Variants in ABHD16A observed in about 807,000 individuals in gnomAD.
ABHD16A encodes the protein phosphatidylserine lipase ABHD16A.
A neutral mutation model predicts 89.8 loss-of-function variants in ABHD16A; 47 were observed. That is an observed-to-expected ratio of 0.52 (90% CI 0.41 to 0.67). ABHD16A has a LOEUF of 0.67. Among genes scored for constraint, ABHD16A ranks in the 30% least tolerant of loss-of-function variants. ABHD16A has a pLI of 0.00. For missense variants in ABHD16A, 580 were observed against 734.6 expected (o/e 0.79, Z 2.43); for synonymous variants, 251 against 280.4 (o/e 0.90, Z 1.05).
intron 7 of ABHD16A, 178 bp from the exon 8 acceptor site, chr6:31,692,096 T>C: frequency 1.8e-6 from 1 of 554,874 alleles, no homozygotes; most frequent in African/African-American, 1.9e-5. Flanking sequence ...TTTTGCAAAC[T>C]TTTCTTACTG....
chr6:31,689,699 C>A lies in ABHD16A; in HGVS notation c.963G>T (p.Val321=). 6.2e-7 allele frequency: 1 copy of A among 1,609,464 alleles called. No homozygotes were observed. Among genetic ancestry groups the A allele is most frequent in the Non-Finnish European group, 8.5e-7 (1 of 1,178,266 alleles). Residue 321 remains valine (V), a synonymous_variant, in exon 12 of 20, where the codon GTG becomes GTT. Coordinates refer to ENST00000395952, the MANE Select transcript of ABHD16A (RefSeq NM_021160.3). ...CATTAGCCTCATTCTGCGGGAATGG[C>A]ACCCCCTGCAGGAGAAAGGGCAAAG... is the stretch of plus-strand genomic sequence containing the variant. ...NHPGFAGSTG[V]PFPQNEANAM...
Position 31,691,628 on chromosome 6 carries a change from G to T in ABHD16A, c.794C>A (p.Thr265Asn). 1.2e-6 allele frequency: 2 copies of T among 1,612,646 alleles called. No homozygotes were observed. The highest frequency in any genetic ancestry group is 1.7e-6 in the Non-Finnish European group (2 of 1,179,966). ...TGTCCCCCGCCGGTCCACAAACATG[G>T]TGTCAATCTCATTGCCATCACAGGC... ...LLACDGNEID[T>N]MFVDRRGTAE... is the part of the protein sequence containing the mutation. Residue 265 changes from threonine (T) to asparagine (N), a missense_variant, in exon 9 of 20, where the codon ACC becomes AAC. Thr to Asn is a moderately conservative substitution (Grantham distance 65). This residue lies in a region of ABHD16A where 415 missense variants were observed against 568.8 expected (regional missense o/e 0.73). Transcript: ENST00000395952.
chr6:31,691,779 G>A, intron 8 of ABHD16A, 25 bp downstream of exon 8: 2 of 1,597,126 alleles, frequency 1.3e-6, no homozygotes, highest in Non-Finnish European at 1.7e-6. Flanking sequence ...GGGCTTTAGG[G>A]GATGTGCGGG....
At position 31,688,077 on chromosome 6, in the gene ABHD16A, C is replaced by A; in HGVS notation, c.1334G>T (p.Arg445Leu). The A allele has an allele frequency of 6.2e-7, 1 of 1,613,134 alleles. No individual in the cohort carries two copies. Among genetic ancestry groups the A allele is most frequent in the South Asian group, 1.1e-5 (1 of 90,948 alleles). ...GAGCTTCAGCAGGAGGTCATTGCCT[C>A]GGTTGGACATGATGTCCTCAGGAAC... The part of the protein sequence containing the change: ...TTVPEDIMSN[R>L]GNDLLLKLLQ... Residue 445 changes from arginine to leucine, a missense_variant, in exon 16 of 20, where the codon CGA becomes CTA. Physicochemically the swap from Arg to Leu is moderately radical, Grantham distance 102. Around this residue, in one of 2 missense-constraint regions of ABHD16A, gnomAD observed 415 missense variants for 568.8 expected, o/e 0.73. Coordinates refer to ENST00000395952, the MANE Select transcript of ABHD16A (RefSeq NM_021160.3). The surrounding 1 kb of genome is among the most constrained non-coding windows in gnomAD (Gnocchi z 4.9).
At chr6:31,696,368 C>T (rs1202775040) in intron 5 of ABHD16A, among the ~76,000 whole-genome samples, 1 of 150,838 alleles carries the variant, frequency 6.6e-6, no homozygotes, top group East Asian at 1.9e-4. Context: ...AGTGGTGGCT[C>T]ACGCCTGTAA....
Position 31,688,459 on chromosome 6 carries a change from T to C in ABHD16A, c.1251-154A>G. The C allele has an allele frequency of 1.2e-6, 1 of 857,982 alleles. No individual in the cohort carries two copies. The highest frequency in any genetic ancestry group is 1.8e-6 in the Non-Finnish European group (1 of 543,630). The allele number at this position is 857,982 out of a possible 1,614,324, so 53.1% of individuals were successfully genotyped here. ...TCACTCAGGGGTGAGAGGGGATTAT[T>C]TAAGGGGCATGGTTCAGTCTGGCCC... On this transcript the variant is annotated intron_variant, in intron 14 of 19. Coordinates refer to ENST00000395952, the MANE Select transcript of ABHD16A (RefSeq NM_021160.3). The surrounding 1 kb of genome is among the most constrained non-coding windows in gnomAD (Gnocchi z 4.9).
In ABHD16A at chr6:31,688,272, G is replaced by C. The variant is rs200231878; in HGVS notation, c.1284C>G (p.Thr428=). 4 of 1,613,926 alleles carry C rather than the reference G, an allele frequency of 2.5e-6. No individual in the cohort carries two copies. In the African/African-American group the frequency reaches 5.3e-5, roughly 22 times the overall value. Residue 428 remains threonine, a synonymous_variant, in exon 15 of 20, where the codon ACC becomes ACG. Coordinates refer to ENST00000395952, the MANE Select transcript of ABHD16A (RefSeq NM_021160.3). This position sits in a 1 kb window ranked among gnomAD's most constrained non-coding sequence, Gnocchi z 4.9. ...YQGPVLLIRR[T]KDEIITTTVP... is the part of the protein sequence containing the mutation. ...ACGTGGTGGTGATGATCTCATCCTT[G>C]GTTCTCCGGATCAGCAGTACAGGAC...
At chr6:31,696,833 G>A (rs879351011) in intron 5 of ABHD16A, 115 bp downstream of exon 5, 10 of 974,444 alleles carry the variant, frequency 1.0e-5, no homozygotes, top group Non-Finnish European at 1.6e-5. Flanking sequence ...ACCCAGTGTG[G>A]TGGGTGGTAA....
chr6:31,691,629 T>C lies in ABHD16A; in HGVS notation c.793A>G (p.Thr265Ala). ...LLACDGNEID[T>A]MFVDRRGTAE... The stretch of plus-strand genomic sequence containing the variant: ...GTCCCCCGCCGGTCCACAAACATGG[T>C]GTCAATCTCATTGCCATCACAGGCC... The change falls in exon 9 of 20, where the codon ACC becomes GCC. Residue 265 changes from threonine (T) to alanine (A), a missense_variant. Transcript: ENST00000395952. The C allele has an allele frequency of 6.2e-7, 1 of 1,612,804 alleles. No individual in the cohort carries two copies. The highest frequency in any genetic ancestry group is 8.5e-7 in the Non-Finnish European group (1 of 1,179,984).
rs939539564 is a variant in ABHD16A at position 31,698,701 on chromosome 6, A to C, written c.344-1668T>G. 6.6e-6 allele frequency among the ~76,000 whole-genome samples: 1 copy of C among 152,110 alleles called. No homozygotes were observed. The highest frequency in any genetic ancestry group is 2.4e-5 in the African/African-American group (1 of 41,398). ...TAAAAATAAATAAAATAAAAAACTAAGACAAAACTGAGCAGTGGGAGCTAC... is the reference window on the plus strand; with the variant it reads ...TAAAAATAAATAAAATAAAAAACTACGACAAAACTGAGCAGTGGGAGCTAC... On this transcript the variant is annotated intron_variant, in intron 4 of 19. Transcript: ENST00000395952. The surrounding 1 kb of genome is among the most constrained non-coding windows in gnomAD (Gnocchi z 4.1).
At position 31,693,388 on chromosome 6, in the gene ABHD16A, G is replaced by A. The variant is rs1394839436; in HGVS notation, c.474C>T (p.Val158=). ...TGCTGGGTTCTTCCCAGTGGAAGTC[G>A]ACTGGCCAGCTCCGGAAGTCAAAGT... The part of the protein sequence containing the change: ...NYNFDFRSWP[V]DFHWEEPSSR... Residue 158 remains valine, a synonymous_variant, in exon 6 of 20, where the codon GTC becomes GTT. Coordinates refer to ENST00000395952, the MANE Select transcript of ABHD16A (RefSeq NM_021160.3). This position sits in a 1 kb window ranked among gnomAD's most constrained non-coding sequence, Gnocchi z 5.0. 5.0e-6 allele frequency: 8 copies of A among 1,612,924 alleles called. No homozygotes were observed. Among genetic ancestry groups the A allele is most frequent in the South Asian group, 1.1e-5 (1 of 91,084 alleles).
rs1207227669 is a variant in ABHD16A, at chr6:31,691,624, C to T, written c.798G>A (p.Met266Ile). 1.9e-6 allele frequency: 3 copies of T among 1,612,832 alleles called. No homozygotes were observed. The African/African-American group carries it at 4.0e-5, about 22-fold the overall frequency. Residue 266 changes from methionine to isoleucine, a missense_variant, in exon 9 of 20, where the codon ATG becomes ATA. Physicochemically the swap from Met to Ile is conservative, Grantham distance 10 (BLOSUM62 1). Around this residue, in one of 2 missense-constraint regions of ABHD16A, gnomAD observed 415 missense variants for 568.8 expected, o/e 0.73. Transcript: ENST00000395952. ...LACDGNEIDT[M>I]FVDRRGTAEP... Reference sequence around the variant, plus strand: ...CAGCTGTCCCCCGCCGGTCCACAAACATGGTGTCAATCTCATTGCCATCAC... The same window carrying T: ...CAGCTGTCCCCCGCCGGTCCACAAATATGGTGTCAATCTCATTGCCATCAC...
intron 9 of ABHD16A, 182 bp downstream of exon 9, chr6:31,691,397 C>G: frequency 1.7e-6 from 1 of 590,920 alleles, no homozygotes; most frequent in Non-Finnish European, 3.0e-6. Flanking sequence ...AACGTCTCTC[C>G]TACTTCATCT....
At chr6:31,702,856 A>C in intron 1 of ABHD16A, 1 of 1,368,834 alleles carries the variant, frequency 7.3e-7, no homozygotes, top group Non-Finnish European at 9.5e-7. Flanking sequence ...CCCGGGACTC[A>C]AGACTCAACT....
At chr6:31,701,142 A>G in intron 3 of ABHD16A, 114 bp from the exon 4 acceptor site, 1 of 1,318,890 alleles carries the variant, frequency 7.6e-7, no homozygotes, top group Non-Finnish European at 1.1e-6. Context: ...CCATACCCTA[A>G]GAGGAAGAAG....
chr6:31,687,205 T>A lies in ABHD16A; in HGVS notation c.*7A>T, dbSNP rs762291582. ...CCCATTCTTCCATAATGAGTCCCAG[T>A]TGGTCCCTAGAGGTGCCAGGGCATC... is the stretch of plus-strand genomic sequence containing the variant. On this transcript the variant is annotated 3_prime_UTR_variant, in exon 20 of 20. Coordinates refer to ENST00000395952, the MANE Select transcript of ABHD16A (RefSeq NM_021160.3). This position sits in a 1 kb window ranked among gnomAD's most constrained non-coding sequence, Gnocchi z 6.3. 1 of 1,610,620 alleles carries A rather than the reference T, an allele frequency of 6.2e-7. No individual in the cohort carries two copies. Among genetic ancestry groups the A allele is most frequent in the East Asian group, 2.2e-5 (1 of 44,876 alleles).
At chr6:31,694,317 A>G (rs915581536) in intron 5 of ABHD16A, among the ~76,000 whole-genome samples, 8 of 150,854 alleles carry the variant, frequency 5.3e-5, no homozygotes, top group Admixed American at 6.6e-5. Context: ...TTGGCTTCCG[A>G]AAGTGCTGGG....
At chr6:31,692,207 T>G (rs1803956338) in intron 7 of ABHD16A, 3 of 352,804 alleles carry the variant, frequency 8.5e-6, no homozygotes, top group South Asian at 2.1e-4. Context: ...CTATACATAA[T>G]AAGTAAATGC....
At chr6:31,694,117 G>A (rs1804162553) in intron 5 of ABHD16A, among the ~76,000 whole-genome samples, 1 of 150,938 alleles carries the variant, frequency 6.6e-6, no homozygotes, top group South Asian at 2.1e-4. Context: ...TGCAGTTGGT[G>A]CAATCATAGC....
Sources: allele counts gnomAD v4.1 joint callset (sites outside exome capture counted in the v4.1 genomes callset), GRCh38; gene constraint gnomAD v4.1.1; regional missense constraint gnomAD v4.1.1; non-coding constraint Gnocchi (gnomAD v3.1); transcripts MANE v1.5; gene names NCBI Gene and HGNC (gene_info 2026-07-23, HGNC 2026-07-21).